Variants in USP48 observed in about 807,000 individuals in gnomAD.
USP48 encodes ubiquitin specific peptidase 48.
In USP48, 43 loss-of-function variants were observed where a neutral mutation model predicts 150.7. The ratio of observed to expected loss-of-function variants is 0.29; its 90% CI spans 0.22 to 0.37. The LOEUF is 0.37. USP48 is among the 10% of genes least tolerant of loss of function. The probability of loss-of-function intolerance (pLI) is 1.00; values close to 1 mark genes in which losing one functional copy is unlikely to be tolerated. For missense variants in USP48, 813 were observed against 1,249.6 expected (o/e 0.65, Z 5.27); for synonymous variants, 396 against 425.9 (o/e 0.93, Z 0.86).
In USP48 at chr1:21,702,577, T is replaced by C. The variant is rs957236477; in HGVS notation, c.2622+935A>G. Among the ~76,000 whole-genome samples the C allele has an allele frequency of 5.3e-5, 8 of 151,858 alleles. No individual in the cohort carries two copies. In the East Asian group the frequency reaches 1.4e-3, roughly 26 times the overall value. On this transcript the variant is annotated intron_variant, in intron 21 of 26. Coordinates refer to ENST00000308271, the MANE Select transcript of USP48 (RefSeq NM_032236.8). Reference sequence around the variant, plus strand: ...ACACTATAGCCAGGGTGATTTTTTTTAAACTATAAATCAGATCATATCATG... The same window carrying C: ...ACACTATAGCCAGGGTGATTTTTTTCAAACTATAAATCAGATCATATCATG...
intron 1 of USP48, among the ~76,000 whole-genome samples, chr1:21,778,430 T>C (rs1254367741): frequency 6.6e-6 from 1 of 151,764 alleles, no homozygotes; most frequent in Non-Finnish European, 1.5e-5. Flanking sequence ...CTTGTGAATA[T>C]GTAAAATAGC....
At chr1:21,748,756 C>CA (rs1161701834) in intron 6 of USP48, among the ~76,000 whole-genome samples, 2 of 152,124 alleles carry the variant, frequency 1.3e-5, no homozygotes, top group Non-Finnish European at 2.9e-5. Flanking sequence ...ACTAAAAATA[C>CA]AAAAATTAGC....
chr1:21,750,100 C>A (rs1571965220), intron 6 of USP48, among the ~76,000 whole-genome samples: 1 of 152,290 alleles, frequency 6.6e-6, no homozygotes, highest in East Asian at 1.9e-4. Flanking sequence ...CTGATGCCAT[C>A]TCAACCTCAC....
intron 23 of USP48, among the ~76,000 whole-genome samples, chr1:21,691,230 CT>C (rs2097598839): frequency 6.7e-6 from 1 of 149,060 alleles, no homozygotes; most frequent in African/African-American, 2.5e-5. Context: ...CAGAGAATTG[CT>C]TGAACCCAGG....
intron 12 of USP48, among the ~76,000 whole-genome samples, chr1:21,723,153 A>G (rs1373787754): frequency 6.6e-6 from 1 of 152,202 alleles, no homozygotes; most frequent in Non-Finnish European, 1.5e-5. Flanking sequence ...ATATAGCTCT[A>G]TATTTAAGGG....
intron 18 of USP48, 51 bp downstream of exon 18, chr1:21,706,075 A>C (rs1188417132): frequency 1.9e-6 from 3 of 1,573,904 alleles, no homozygotes; most frequent in Non-Finnish European, 2.6e-6. Context: ...AAAATACCAG[A>C]GTCAACCAAA....
chr1:21,733,526 T>C (rs191907716), intron 9 of USP48, among the ~76,000 whole-genome samples: 3 of 152,328 alleles, frequency 2.0e-5, no homozygotes, highest in East Asian at 1.9e-4. Flanking sequence ...GAATGTCTAA[T>C]GAAATTTAAA....
At chr1:21,732,676 G>T in intron 9 of USP48, 1 of 371,268 alleles carries the variant, frequency 2.7e-6, no homozygotes, top group Non-Finnish European at 5.2e-6. Flanking sequence ...TATTCCATTA[G>T]AATAAAATTC....
intron 22 of USP48, among the ~76,000 whole-genome samples, 169 bp from the exon 23 acceptor site, chr1:21,695,390 C>A (rs1241407434): frequency 6.6e-6 from 1 of 152,074 alleles, no homozygotes; most frequent in Non-Finnish European, 1.5e-5. Context: ...AGCAGGCTCA[C>A]ATAAAATTGA....
At position 21,704,276 on chromosome 1, in the gene USP48, T is replaced by C. The variant is rs1481361898; in HGVS notation, c.2501A>G (p.Tyr834Cys). ...VGDVNPSETQ[Y>C]ISEPKLCPEC... ...TGAAAACTTACTGGGCTCAGAAATA[T>C]ACTGTGTTTCTGAAGGGTTTACATC... Residue 834 changes from tyrosine (Y) to cysteine (C), a missense_variant, in exon 20 of 27, where the codon TAT becomes TGT. Coordinates refer to ENST00000308271, the MANE Select transcript of USP48 (RefSeq NM_032236.8). The C allele has an allele frequency of 1.9e-6, 3 of 1,612,390 alleles. No homozygotes were observed. Among genetic ancestry groups the C allele is most frequent in the South Asian group, 1.1e-5 (1 of 90,602 alleles).
chr1:21,762,257 C>T (rs1428721500), intron 1 of USP48, among the ~76,000 whole-genome samples: 1 of 151,042 alleles, frequency 6.6e-6, no homozygotes, highest in African/African-American at 2.4e-5. Context: ...GGCAACAGAG[C>T]GAGACTCGTC....
intron 22 of USP48, 50 bp downstream of exon 22, chr1:21,701,448 C>CT (rs2097656749): frequency 6.6e-7 from 1 of 1,525,172 alleles, no homozygotes; most frequent in African/African-American, 1.4e-5. Flanking sequence ...AGTGGCTGCT[C>CT]TATAAGAACA....
At chr1:21,688,531 T>C (rs1312231186) in intron 24 of USP48, among the ~76,000 whole-genome samples, 1 of 151,326 alleles carries the variant, frequency 6.6e-6, no homozygotes, top group African/African-American at 2.4e-5. Context: ...AGTAGGGGCT[T>C]CTAAGACACT....
In USP48 at chr1:21,757,706, C is replaced by G; in HGVS notation, c.212G>C (p.Ser71Thr). 3.1e-6 allele frequency: 5 copies of G among 1,612,898 alleles called. No homozygotes were observed. Among genetic ancestry groups the G allele is most frequent in the Non-Finnish European group, 4.2e-6 (5 of 1,179,572 alleles). The stretch of plus-strand genomic sequence containing the variant: ...GTTGGGATCATCGATGTTATGAAAA[C>G]TATTTTCATCTATTTCTCCTAACCA... Reference protein sequence around the residue: ...HIWLGEIDENSFHNIDDPNCE... With the variant: ...HIWLGEIDENTFHNIDDPNCE... The change falls in exon 2 of 27, where the codon AGT becomes ACT. Residue 71 changes from serine (S) to threonine (T), a missense_variant. Ser to Thr is a moderately conservative substitution (Grantham distance 58). Coordinates refer to ENST00000308271, the MANE Select transcript of USP48 (RefSeq NM_032236.8).
chr1:21,761,592 TAAAATATAA>T (rs1462567868), intron 1 of USP48, among the ~76,000 whole-genome samples: 1 of 152,188 alleles, frequency 6.6e-6, no homozygotes, highest in Non-Finnish European at 1.5e-5. Flanking sequence ...TACTGTCTTC[TAAAATATAA>T]AAATGAAGCT....
chr1:21,705,614 G>T, intron 19 of USP48, 113 bp downstream of exon 19: 1 of 746,688 alleles, frequency 1.3e-6, no homozygotes, highest in Non-Finnish European at 2.1e-6. Flanking sequence ...ATTCAGCAAA[G>T]GACTAAATTC....
chr1:21,756,023 G>A (rs2097832776), intron 3 of USP48, among the ~76,000 whole-genome samples: 1 of 151,756 alleles, frequency 6.6e-6, no homozygotes, highest in Admixed American at 6.6e-5. Flanking sequence ...AAATTAGCCG[G>A]GCGTGGTGGT....
At chr1:21,737,642 C>T (rs2097771559) in intron 8 of USP48, among the ~76,000 whole-genome samples, 1 of 152,138 alleles carries the variant, frequency 6.6e-6, no homozygotes, top group Non-Finnish European at 1.5e-5. Flanking sequence ...CTGTTATTTA[C>T]TGGAAAACAA....
chr1:21,722,398 C>T (rs7366082), intron 12 of USP48, among the ~76,000 whole-genome samples: 2 of 150,508 alleles, frequency 1.3e-5, no homozygotes, highest in South Asian at 4.2e-4. Flanking sequence ...AATTAGCAAG[C>T]CATGGTGATG....
Sources: gnomAD v4.1 joint callset for allele counts (sites outside exome capture counted in the v4.1 genomes callset) on GRCh38, gnomAD v4.1.1 for gene constraint, MANE v1.5 for transcripts, NCBI Gene and HGNC (gene_info 2026-07-23, HGNC 2026-07-21) for gene names.